SLIT2: variants seen among roughly 807,000 people sequenced by gnomAD.
SLIT2 encodes slit homolog 2 protein.
SLIT2 carries 41 observed loss-of-function variants against 185.7 expected under a neutral mutation model. The ratio of observed to expected loss-of-function variants is 0.22; its 90% confidence interval spans 0.17 to 0.29. The LOEUF (loss-of-function observed/expected upper bound fraction) is 0.29. Among genes scored for constraint, SLIT2 ranks in the 10% least tolerant of loss-of-function variants. SLIT2 has a pLI of 1.00. For missense variants in SLIT2, 1,571 were observed against 1,909.0 expected, an observed-to-expected ratio of 0.82 and a Z score of 3.30; for synonymous variants, 693 against 680.2, an observed-to-expected ratio of 1.02 and a Z score of -0.29.
At chr4:20,364,830 C>A (rs1465792119) in intron 4 of SLIT2, among the ~76,000 whole-genome samples, 1 of 152,108 alleles carries the variant, frequency 6.6e-6, no homozygotes, top group Non-Finnish European at 1.5e-5. Context: ...TTGTAATATA[C>A]TGTGAAGTTC....
intron 34 of SLIT2, among the ~76,000 whole-genome samples, chr4:20,614,411 T>C (rs927543142): frequency 4.6e-5 from 7 of 152,046 alleles, no homozygotes; most frequent in African/African-American, 4.8e-5. Context: ...TATCTGTTGG[T>C]TGATTGATTG....
At chr4:20,585,889 G>A (rs1279861609) in intron 29 of SLIT2, among the ~76,000 whole-genome samples, 1 of 152,084 alleles carries the variant, frequency 6.6e-6, no homozygotes, top group Non-Finnish European at 1.5e-5. Flanking sequence ...AAGTAAAAAT[G>A]GCATCATGTC....
rs574186364 is a variant in SLIT2, at chr4:20,510,652, A to G, written c.986+86A>G. The stretch of plus-strand genomic sequence containing the variant: ...TGCAAAGAAACTTAAGTATGAGTAT[A>G]TAAGTGTTTGACAGCTTAAATATTA... On this transcript the variant is annotated intron_variant, in intron 10 of 36. Transcript: ENST00000504154. The G allele has an allele frequency of 7.1e-5, 56 of 789,912 alleles. No individual in the cohort carries two copies. The Admixed American group carries it at 9.1e-4, about 13-fold the overall frequency. 48.9% of individuals were successfully genotyped at this position (789,912 alleles called of 1,614,324 possible). A position where few individuals can be genotyped will look rare whatever the true frequency, so the allele number is the denominator to read the frequency against.
intron 12 of SLIT2, among the ~76,000 whole-genome samples, chr4:20,520,033 CAAAAAAAAAAA>C (rs34644308): frequency 1.5e-4 from 10 of 68,384 alleles, no homozygotes; most frequent in Admixed American, 2.0e-4. Flanking sequence ...GACTCCGTCT[CAAAAAAAAAAA>C]AAAAAAAAAA....
In SLIT2 at chr4:20,617,420, G is replaced by C; in HGVS notation, c.4137-19G>C. On this transcript the variant is annotated intron_variant, in intron 35 of 36. Transcript: ENST00000504154. ...CTCTTCTGAATGCATTCCCACTCCT[G>C]TGTTCCTCCTCCCTGTAGATGCGTA... 6.2e-7 allele frequency: 1 copy of C among 1,606,924 alleles called. No individual in the cohort carries two copies.
At chr4:20,403,523 T>C (rs1234362730) in intron 4 of SLIT2, among the ~76,000 whole-genome samples, 1 of 151,994 alleles carries the variant, frequency 6.6e-6, no homozygotes, top group African/African-American at 2.4e-5. Context: ...GAGTACAATT[T>C]GTTGTTTCAT....
chr4:20,360,987 T>A (rs1405778530), intron 4 of SLIT2, among the ~76,000 whole-genome samples: 2 of 152,190 alleles, frequency 1.3e-5, no homozygotes, highest in East Asian at 3.8e-4. Context: ...TTATTTTATA[T>A]CAGCCATATC....
At chr4:20,321,565 G>A (rs1469519036) in intron 4 of SLIT2, among the ~76,000 whole-genome samples, 1 of 152,208 alleles carries the variant, frequency 6.6e-6, no homozygotes, top group Non-Finnish European at 1.5e-5. Flanking sequence ...AGCTCAATGA[G>A]GCTGCAGAAA....
At chr4:20,551,022 A>G (rs1723701181) in intron 25 of SLIT2, 124 bp downstream of exon 25, 1 of 521,722 alleles carries the variant, frequency 1.9e-6, no homozygotes, top group South Asian at 3.4e-5. Context: ...ATCTTTAAAG[A>G]AAATGTGAAG....
At chr4:20,525,088 CAT>C in intron 14 of SLIT2, 59 bp from the exon 15 acceptor site, 1 of 1,215,582 alleles carries the variant, frequency 8.2e-7, no homozygotes, top group Non-Finnish European at 1.2e-6. Flanking sequence ...TAATATAACT[CAT>C]ATCTCTGCTT....
At chr4:20,462,403 A>C (rs975756630) in intron 4 of SLIT2, among the ~76,000 whole-genome samples, 1 of 152,226 alleles carries the variant, frequency 6.6e-6, no homozygotes, top group Non-Finnish European at 1.5e-5. Flanking sequence ...ACTCTCCAAA[A>C]TCCTGTGCAT....
Position 20,491,896 on chromosome 4 carries a change from A to G in SLIT2, c.911A>G (p.Glu304Gly), listed in dbSNP as rs1486765635. ...ACAAATCTTCCAGAGACCATCACAGAAATGTATGTGCCTGAAATTCTTTCT... is the reference window on the plus strand; with the variant it reads ...ACAAATCTTCCAGAGACCATCACAGGAATGTATGTGCCTGAAATTCTTTCT... ...IPTNLPETIT[E>G]IRLEQNTIKV... The change falls in exon 9 of 37, where the codon GAA (glutamate) becomes GGA (glycine). Residue 304 changes from glutamate to glycine, a missense_variant. Physicochemically the swap from Glu to Gly is moderately conservative, Grantham distance 98 (BLOSUM62 -2). Transcript: ENST00000504154. 6.2e-7 allele frequency: 1 copy of G among 1,611,744 alleles called. No homozygotes were observed. The highest frequency in any genetic ancestry group is 8.5e-7 in the Non-Finnish European group (1 of 1,179,350).
At chr4:20,338,716 G>A (rs1395666017) in intron 4 of SLIT2, among the ~76,000 whole-genome samples, 1 of 152,116 alleles carries the variant, frequency 6.6e-6, no homozygotes, top group African/African-American at 2.4e-5. Context: ...ACAGCAGGGA[G>A]GGGTTCTTTT....
intron 4 of SLIT2, among the ~76,000 whole-genome samples, chr4:20,379,007 A>C (rs1724260845): frequency 6.6e-6 from 1 of 152,316 alleles, no homozygotes; most frequent in Non-Finnish European, 1.5e-5. Flanking sequence ...ATACAGTGTG[A>C]TTCCAACTCT....
chr4:20,423,259 A>G (rs1406765846), intron 4 of SLIT2, among the ~76,000 whole-genome samples: 1 of 152,158 alleles, frequency 6.6e-6, no homozygotes, highest in Non-Finnish European at 1.5e-5. Context: ...TAAAGGAGGC[A>G]TATTTAAAAA....
intron 4 of SLIT2, among the ~76,000 whole-genome samples, chr4:20,340,553 T>C (rs1295267846): frequency 6.6e-6 from 1 of 152,174 alleles, no homozygotes; most frequent in African/African-American, 2.4e-5. Flanking sequence ...GTTTAATTTA[T>C]GGCCAGAAGA....
In SLIT2 at chr4:20,382,708, T is replaced by C. The variant is rs543216281; in HGVS notation, c.396-85044T>C. 5.7e-4 allele frequency among the ~76,000 whole-genome samples: 87 copies of C among 152,258 alleles called. No homozygotes were observed. In the South Asian group the frequency reaches 0.014, roughly 25 times the overall value. Reference sequence around the variant, plus strand: ...TACTATGAGTTGGAAGACTCAATACTGTATCAGTTCTGTACCAAGTGATCT... The same window carrying C: ...TACTATGAGTTGGAAGACTCAATACCGTATCAGTTCTGTACCAAGTGATCT... On this transcript the variant is annotated intron_variant, in intron 4 of 36. Transcript: ENST00000504154.
chr4:20,464,094 G>A (rs1009175714), intron 4 of SLIT2, among the ~76,000 whole-genome samples: 1 of 151,874 alleles, frequency 6.6e-6, no homozygotes, highest in East Asian at 1.9e-4. Flanking sequence ...TATTTTTTCT[G>A]TTTATAGTGT....
Position 20,363,352 on chromosome 4 carries a change from A to T in SLIT2, c.395+94471A>T, listed in dbSNP as rs569485088. 4.6e-5 allele frequency among the ~76,000 whole-genome samples: 7 copies of T among 152,278 alleles called. No individual in the cohort carries two copies. In the East Asian group the frequency reaches 1.2e-3, roughly 25 times the overall value. On this transcript the variant is annotated intron_variant, in intron 4 of 36. Transcript: ENST00000504154. The stretch of plus-strand genomic sequence containing the variant: ...TTCCATTAATCCACAGATATAAACT[A>T]TAGTAGTGTTTCTGCATTACCATAA...
Sources: allele counts gnomAD v4.1 joint callset (sites outside exome capture counted in the v4.1 genomes callset), GRCh38; gene constraint gnomAD v4.1.1; transcripts MANE v1.5; gene names NCBI Gene and HGNC (gene_info 2026-07-23, HGNC 2026-07-21).